CCDC102B: variants seen among roughly 807,000 people sequenced by gnomAD.
CCDC102B encodes coiled-coil domain-containing protein 102B.
CCDC102B carries 75 observed loss-of-function variants against 57.4 expected under a neutral mutation model. That is an observed-to-expected ratio of 1.31 (90% confidence interval 1.08 to 1.58). The LOEUF (loss-of-function observed/expected upper bound fraction) is 1.58, where lower values mean the gene tolerates loss of function less well. Ranked by LOEUF, CCDC102B falls within the 40% of genes most tolerant of loss-of-function variation. The probability of loss-of-function intolerance (pLI) is 0.00; values close to 1 mark genes in which losing one functional copy is unlikely to be tolerated. For synonymous variants in CCDC102B, 206 were observed against 201.9 expected (o/e 1.02, Z -0.17); for missense variants, 636 against 582.6 (o/e 1.09, Z -0.94).
At chr18:68,803,867 A>G (rs1293875471) in intron 1 of CCDC102B, among the ~76,000 whole-genome samples, 2 of 152,210 alleles carry the variant, frequency 1.3e-5, no homozygotes, top group Non-Finnish European at 2.9e-5. Flanking sequence ...GTTTATGTTT[A>G]GATCATGACA....
intron 4 of CCDC102B, among the ~76,000 whole-genome samples, chr18:68,853,867 C>T (rs77724038): frequency 0.02 from 3,011 of 151,984 alleles, 97 homozygotes; most frequent in African/African-American, 0.068. Context: ...CTTCAGCACA[C>T]GTGTGATCAT....
At chr18:68,866,071 G>T (rs879928463) in intron 4 of CCDC102B, among the ~76,000 whole-genome samples, 1 of 152,032 alleles carries the variant, frequency 6.6e-6, no homozygotes, top group Non-Finnish European at 1.5e-5. Context: ...TTGAAAAAAA[G>T]TTCATCTATC....
intron 6 of CCDC102B, among the ~76,000 whole-genome samples, chr18:68,899,516 G>T (rs997998884): frequency 6.6e-6 from 1 of 151,924 alleles, no homozygotes; most frequent in Non-Finnish European, 1.5e-5. Flanking sequence ...GTGAAAGAAG[G>T]TGCTAGCATG....
intron 3 of CCDC102B, among the ~76,000 whole-genome samples, chr18:68,839,554 G>A (rs1303324019): frequency 6.6e-6 from 1 of 152,172 alleles, no homozygotes; most frequent in African/African-American, 2.4e-5. Context: ...CCTGTCTTCT[G>A]TTCAAGAATC....
At chr18:69,032,421 A>G (rs2052171877) in intron 7 of CCDC102B, among the ~76,000 whole-genome samples, 3 of 152,178 alleles carry the variant, frequency 2.0e-5, no homozygotes, top group Non-Finnish European at 4.4e-5. Flanking sequence ...TTGGTGTTGG[A>G]CAATAGTGTT....
chr18:68,887,927 T>C (rs534150878), intron 5 of CCDC102B, among the ~76,000 whole-genome samples: 1 of 152,162 alleles, frequency 6.6e-6, no homozygotes, highest in African/African-American at 2.4e-5. Flanking sequence ...CATATTTATG[T>C]TTGCTAAATG....
At chr18:69,041,488 T>G (rs1014262081) in intron 7 of CCDC102B, among the ~76,000 whole-genome samples, 4 of 152,124 alleles carry the variant, frequency 2.6e-5, no homozygotes, top group Non-Finnish European at 5.9e-5. Flanking sequence ...AAAAGTTTAC[T>G]GTTTCATCTT....
At chr18:69,049,363 CA>C (rs2052647267) in intron 7 of CCDC102B, among the ~76,000 whole-genome samples, 1 of 152,170 alleles carries the variant, frequency 6.6e-6, no homozygotes, top group Admixed American at 6.5e-5. Context: ...CTGCAAAGGA[CA>C]TGAATTCATC....
At chr18:68,768,644 T>C (rs1464112079) in intron 2 of CCDC102B, among the ~76,000 whole-genome samples, 1 of 152,134 alleles carries the variant, frequency 6.6e-6, no homozygotes, top group Non-Finnish European at 1.5e-5. Context: ...TATTTTTGTT[T>C]AATGTAAATT....
intron 4 of CCDC102B, among the ~76,000 whole-genome samples, chr18:68,867,661 G>T (rs1265212010): frequency 6.6e-6 from 1 of 152,088 alleles, no homozygotes; most frequent in African/African-American, 2.4e-5. Context: ...CTGGCCGGGC[G>T]CAGTGGCTCA....
chr18:68,718,445 T>C (rs1450672049), intron 2 of CCDC102B, among the ~76,000 whole-genome samples: 4 of 152,216 alleles, frequency 2.6e-5, no homozygotes, highest in African/African-American at 9.6e-5. Context: ...TTTATTTACG[T>C]AAGCTCAAAA....
At chr18:68,933,510 T>C (rs1319847073) in intron 6 of CCDC102B, among the ~76,000 whole-genome samples, 1 of 151,898 alleles carries the variant, frequency 6.6e-6, no homozygotes, top group Non-Finnish European at 1.5e-5. Context: ...TTCTTGGGTA[T>C]TGACATTGGG....
intron 6 of CCDC102B, among the ~76,000 whole-genome samples, chr18:68,941,610 C>G (rs1242259957): frequency 6.6e-6 from 1 of 152,018 alleles, no homozygotes; most frequent in Non-Finnish European, 1.5e-5. Flanking sequence ...TAAGAAGTTA[C>G]TGTTTTAAGT....
chr18:68,728,947 A>ATTT (rs2145198843), intron 2 of CCDC102B, among the ~76,000 whole-genome samples: 1 of 150,706 alleles, frequency 6.6e-6, no homozygotes, highest in African/African-American at 2.5e-5. Context: ...TTTTTTTTTA[A>ATTT]AAAAGTTCAT....
intron 4 of CCDC102B, among the ~76,000 whole-genome samples, chr18:68,870,406 C>A (rs904806923): frequency 1.3e-5 from 2 of 152,088 alleles, no homozygotes; most frequent in Non-Finnish European, 2.9e-5. Context: ...TGATCTCCCA[C>A]GCTCCCTCAT....
intron 2 of CCDC102B, among the ~76,000 whole-genome samples, chr18:68,765,788 A>C (rs2144601539): frequency 6.6e-6 from 1 of 152,304 alleles, no homozygotes; most frequent in Admixed American, 6.5e-5. Flanking sequence ...TATTTAATAT[A>C]ACATATATGA....
intron 6 of CCDC102B, among the ~76,000 whole-genome samples, chr18:68,930,796 A>C (rs1346944003): frequency 6.6e-6 from 1 of 151,944 alleles, no homozygotes; most frequent in Admixed American, 6.6e-5. Context: ...AATAGGCTCT[A>C]TGGTTACTTA....
At chr18:68,871,045 T>A (rs748204723) in intron 4 of CCDC102B, among the ~76,000 whole-genome samples, 1 of 152,184 alleles carries the variant, frequency 6.6e-6, no homozygotes, top group East Asian at 1.9e-4. Flanking sequence ...TACTGATAAT[T>A]TTCCAGAAGT....
At chr18:68,784,282 G>T (rs952671674) in intron 2 of CCDC102B, among the ~76,000 whole-genome samples, 1 of 151,554 alleles carries the variant, frequency 6.6e-6, no homozygotes, top group East Asian at 1.9e-4. Context: ...GGTGAGTGAG[G>T]CGTCTCACAT....
Sources: gnomAD v4.1 joint callset for allele counts (sites outside exome capture counted in the v4.1 genomes callset) on GRCh38, gnomAD v4.1.1 for gene constraint, MANE v1.5 for transcripts, NCBI Gene and HGNC (gene_info 2026-07-23, HGNC 2026-07-21) for gene names.